The following FRMD4B variants were observed in gnomAD, a reference collection of about 807,000 sequenced individuals.
FRMD4B encodes FERM domain-containing protein 4B.
A neutral mutation model predicts 141.5 loss-of-function variants in FRMD4B; 74 were observed. The ratio of observed to expected loss-of-function variants is 0.52; its 90% CI spans 0.43 to 0.63. The LOEUF is 0.63. Among genes scored for constraint, FRMD4B ranks in the 30% least tolerant of loss-of-function variants. FRMD4B has a pLI of 0.00. For synonymous variants in FRMD4B, 506 were observed against 467.9 expected, an observed-to-expected ratio of 1.08 and a Z score of -1.05; for missense variants, 1,366 against 1,253.4, an observed-to-expected ratio of 1.09 and a Z score of -1.36.
intron 5 of FRMD4B, among the ~76,000 whole-genome samples, chr3:69,262,455 A>G (rs1372922269): frequency 2.1e-5 from 3 of 143,842 alleles, no homozygotes; most frequent in African/African-American, 7.6e-5. Flanking sequence ...AGGTACACAA[A>G]TGACTTTTTT....
intron 1 of FRMD4B, among the ~76,000 whole-genome samples, chr3:69,493,086 C>G (rs1442389223): frequency 1.3e-5 from 2 of 152,170 alleles, no homozygotes; most frequent in South Asian, 2.1e-4. Flanking sequence ...TTACAAGCAG[C>G]CAACAATGCA....
At chr3:69,385,048 A>C (rs749954593) in intron 1 of FRMD4B, among the ~76,000 whole-genome samples, 9 of 151,532 alleles carry the variant, frequency 5.9e-5, no homozygotes, top group Non-Finnish European at 1.2e-4. Context: ...CAGAACTTTT[A>C]AATTCATAAA....
At chr3:69,468,648 C>T (rs1324825946) in intron 1 of FRMD4B, among the ~76,000 whole-genome samples, 1 of 152,166 alleles carries the variant, frequency 6.6e-6, no homozygotes, top group African/African-American at 2.4e-5. Flanking sequence ...TTTCCTTTGA[C>T]TGCTATCCTG....
intron 3 of FRMD4B, among the ~76,000 whole-genome samples, chr3:69,306,941 A>G (rs1356535700): frequency 6.6e-6 from 1 of 152,164 alleles, no homozygotes; most frequent in Non-Finnish European, 1.5e-5. Flanking sequence ...AAAAAGAACT[A>G]GGCTTGTGAC....
rs76456216 is a variant in FRMD4B, at chr3:69,516,878, C to A, written c.-129+25328G>T. On this transcript the variant is annotated intron_variant, in intron 1 of 5. Coordinates refer to the FRMD4B transcript ENST00000459638. ...GAGCTCTAACAGTGTGTTGAACAGT[C>A]ATCTTTTTGCTATATTCCCAAATTT... 6.3e-3 allele frequency among the ~76,000 whole-genome samples: 966 copies of A among 152,276 alleles called. 16 individuals are homozygous for A. Among genetic ancestry groups the A allele is most frequent in the African/African-American group, 0.023 (946 of 41,578 alleles).
intron 1 of FRMD4B, among the ~76,000 whole-genome samples, chr3:69,518,221 A>G (rs62252351): frequency 0.24 from 36,827 of 152,064 alleles, 4,705 homozygotes; most frequent in African/African-American, 0.31. Flanking sequence ...TAAAGTAGGT[A>G]TACTTTACTG....
intron 1 of FRMD4B, among the ~76,000 whole-genome samples, chr3:69,351,129 A>G (rs1417492956): frequency 2.0e-5 from 3 of 152,214 alleles, no homozygotes; most frequent in African/African-American, 7.2e-5. Context: ...TTCCTTTCTT[A>G]GATTGCTGTT....
At chr3:69,285,770 G>A (rs983141144) in intron 5 of FRMD4B, among the ~76,000 whole-genome samples, 2 of 151,974 alleles carry the variant, frequency 1.3e-5, no homozygotes, top group Non-Finnish European at 2.9e-5. Flanking sequence ...CTTGAACCTG[G>A]CAGGCAGAAG....
At chr3:69,282,356 C>G (rs189603818) in intron 5 of FRMD4B, among the ~76,000 whole-genome samples, 4 of 152,138 alleles carry the variant, frequency 2.6e-5, no homozygotes, top group Non-Finnish European at 5.9e-5. Context: ...GGAGGGGGGG[C>G]CCGTTCACTT....
intron 1 of FRMD4B, among the ~76,000 whole-genome samples, chr3:69,524,188 A>G (rs1256660471): frequency 3.3e-5 from 5 of 152,214 alleles, no homozygotes; most frequent in Non-Finnish European, 7.3e-5. Context: ...TGAATAATTA[A>G]TAATGATACA....
chr3:69,325,641 A>G (rs981036793), intron 1 of FRMD4B, among the ~76,000 whole-genome samples: 3 of 152,118 alleles, frequency 2.0e-5, no homozygotes, highest in South Asian at 2.1e-4. Flanking sequence ...TTCTGCCCCT[A>G]TGAAATGGAA....
At chr3:69,172,309 A>G (rs2092596728) in intron 22 of FRMD4B, among the ~76,000 whole-genome samples, 1 of 152,230 alleles carries the variant, frequency 6.6e-6, no homozygotes, top group Non-Finnish European at 1.5e-5. Context: ...TAACTTGTCT[A>G]GTAAAAAAGA....
At chr3:69,284,882 C>T (rs1218361358) in intron 5 of FRMD4B, among the ~76,000 whole-genome samples, 8 of 152,158 alleles carry the variant, frequency 5.3e-5, no homozygotes, top group East Asian at 1.9e-4. Flanking sequence ...ACTCTAAGGC[C>T]GAGCATGGTG....
At position 69,406,048 on chromosome 3, in the gene FRMD4B, C is replaced by T. The variant is rs531150021; in HGVS notation, c.-1+26586G>A. Reference sequence around the variant, plus strand: ...TTTCACCCAAAGAATATCAATAACACCACATTATTAATTTTACTGGGGTCC... The same window carrying T: ...TTTCACCCAAAGAATATCAATAACATCACATTATTAATTTTACTGGGGTCC... On this transcript the variant is annotated intron_variant, in intron 2 of 5. Transcript: ENST00000459638. Among the ~76,000 whole-genome samples the T allele has an allele frequency of 8.5e-4, 130 of 152,238 alleles. 3 individuals are homozygous for T. The South Asian group carries it at 9.6e-3, about 11-fold the overall frequency.
rs535693836 is a variant in FRMD4B at position 69,335,870 on chromosome 3, G to A, written c.163-22353C>T. The stretch of plus-strand genomic sequence containing the variant: ...CCTGAGTAGCTGGGATTACAGGTGC[G>A]TGCCACCATGTTCGGCTAATTTTTG... On this transcript the variant is annotated intron_variant, in intron 1 of 22. Transcript: ENST00000398540. Among the ~76,000 whole-genome samples, 5 of 151,644 alleles carry A rather than the reference G, an allele frequency of 3.3e-5. No homozygotes were observed. The East Asian group carries it at 7.8e-4, about 24-fold the overall frequency.
chr3:69,373,079 G>A (rs1479593059), intron 1 of FRMD4B, among the ~76,000 whole-genome samples: 2 of 152,200 alleles, frequency 1.3e-5, no homozygotes, highest in African/African-American at 4.8e-5. Flanking sequence ...GAGGAGGAGA[G>A]AGAACTCTCA....
intron 1 of FRMD4B, among the ~76,000 whole-genome samples, chr3:69,360,186 A>G (rs1298131500): frequency 2.0e-5 from 3 of 152,192 alleles, no homozygotes; most frequent in Non-Finnish European, 1.5e-5. Context: ...AAAGTCAAAG[A>G]CCAGTGTCAT....
intron 7 of FRMD4B, among the ~76,000 whole-genome samples, chr3:69,225,385 G>C (rs961937452): frequency 2.6e-4 from 40 of 151,928 alleles, no homozygotes; most frequent in African/African-American, 9.2e-4. Context: ...CTTTAAAAAA[G>C]GGAGAACAGG....
At chr3:69,359,048 ATATGTAGAGTCTGGTAAAT>A (rs1381333394) in intron 1 of FRMD4B, among the ~76,000 whole-genome samples, 1 of 152,168 alleles carries the variant, frequency 6.6e-6, no homozygotes, top group East Asian at 1.9e-4. Context: ...CACAGAAAAG[ATATGTAGAGTCTGGTAAAT>A]TATGTAGCTA....
Sources: allele counts gnomAD v4.1 joint callset (sites outside exome capture counted in the v4.1 genomes callset), GRCh38; gene constraint gnomAD v4.1.1; transcripts MANE v1.5; gene names NCBI Gene and HGNC (gene_info 2026-07-23, HGNC 2026-07-21).